PCDHA6: variants seen among roughly 807,000 people sequenced by gnomAD.
PCDHA6 encodes the protein protocadherin alpha-6.
In PCDHA6, 55 loss-of-function variants were observed where a neutral mutation model predicts 60.3. The observed-to-expected ratio is 0.91, with a 90% CI of 0.73 to 1.14. The LOEUF (loss-of-function observed/expected upper bound fraction) is 1.14. PCDHA6 is among the 50% of genes most tolerant of loss of function. The pLI, the probability that PCDHA6 is intolerant of heterozygous loss-of-function variation, is 0.00. For synonymous variants in PCDHA6, 652 were observed against 557.9 expected (o/e 1.17, Z -2.38); for missense variants, 1,327 against 1,256.5 (o/e 1.06, Z -0.85).
intron 1 of PCDHA6, chr5:140,871,632 T>G (rs1554165792): frequency 7.2e-7 from 1 of 1,380,660 alleles, no homozygotes; most frequent in Non-Finnish European, 9.6e-7. Context: ...ACAATGTCTG[T>G]TCATAAAATA....
At chr5:140,834,036 C>A (rs2150213017) in intron 1 of PCDHA6, among the ~76,000 whole-genome samples, 3 of 152,146 alleles carry the variant, frequency 2.0e-5, no homozygotes, top group Admixed American at 2.0e-4. Flanking sequence ...AGCCATCAGT[C>A]GCCTAAGAAT....
chr5:140,975,983 T>A (rs975014640), intron 1 of PCDHA6, among the ~76,000 whole-genome samples: 31 of 152,290 alleles, frequency 2.0e-4, no homozygotes, highest in Admixed American at 2.0e-3. Flanking sequence ...AGCATAGTCC[T>A]GGGAGGTACC....
chr5:140,863,538 T>C (rs187152479), intron 1 of PCDHA6: 1 of 386,422 alleles, frequency 2.6e-6, no homozygotes, highest in Non-Finnish European at 5.0e-6. Flanking sequence ...ATTTTGGAGA[T>C]GGACTTCAAT....
intron 1 of PCDHA6, among the ~76,000 whole-genome samples, chr5:140,905,903 G>A (rs2072195312): frequency 6.6e-6 from 1 of 152,184 alleles, no homozygotes; most frequent in African/African-American, 2.4e-5. Flanking sequence ...AAGCTGAGGA[G>A]CAAGGAATCC....
intron 1 of PCDHA6, among the ~76,000 whole-genome samples, chr5:140,906,473 A>G (rs2072671241): frequency 6.6e-6 from 1 of 152,214 alleles, no homozygotes. Flanking sequence ...TCTTAGTACA[A>G]ATGTATAAAT....
rs185971380 is a variant in PCDHA6, at chr5:140,858,398, G to T, written c.2394+27913G>T. On this transcript the variant is annotated intron_variant, in intron 1 of 3. Transcript: ENST00000529310. ...ACCATGCCCAATGGTAGATGTGGAC[G>T]GGGAAGATCAGTCTATTGGAGGGGA... The T allele has an allele frequency of 3.4e-5, 54 of 1,574,020 alleles. No homozygotes were observed. In the East Asian group the frequency reaches 1.1e-3, roughly 32 times the overall value.
intron 1 of PCDHA6, chr5:140,856,218 A>C: frequency 6.3e-7 from 1 of 1,597,930 alleles, no homozygotes; most frequent in Non-Finnish European, 8.6e-7. Flanking sequence ...GAGCTGGCGG[A>C]GCTGGTGCAG....
intron 1 of PCDHA6, chr5:140,927,831 G>T: frequency 6.2e-7 from 1 of 1,614,186 alleles, no homozygotes; most frequent in Non-Finnish European, 8.5e-7. Flanking sequence ...TTGAGGCGAG[G>T]GACGAAGGTG....
At chr5:140,830,776 T>A (rs190922926) in intron 1 of PCDHA6, 105 of 166,754 alleles carry the variant, frequency 6.3e-4, no homozygotes, top group Admixed American at 1.3e-3. Flanking sequence ...CATAGTAGCA[T>A]TTTTTTCTGA....
intron 1 of PCDHA6, among the ~76,000 whole-genome samples, chr5:140,898,629 C>T (rs2066883647): frequency 1.3e-5 from 2 of 152,194 alleles, no homozygotes; most frequent in Admixed American, 1.3e-4. Context: ...AGCATAATGC[C>T]TCCAGCTTTG....
intron 1 of PCDHA6, chr5:140,868,074 T>C (rs1554161742): frequency 6.6e-6 from 1 of 152,138 alleles, no homozygotes; most frequent in Non-Finnish European, 1.5e-5. Context: ...AGGGTGATTT[T>C]ATTTATTTTA....
At chr5:140,870,656 C>T (rs782506518) in intron 1 of PCDHA6, 22 of 1,612,360 alleles carry the variant, frequency 1.4e-5, no homozygotes, top group Non-Finnish European at 1.7e-6. Flanking sequence ...AAGGTGTACG[C>T]GCTGCAGCCG....
At chr5:140,849,341 C>T (rs2150435526) in intron 1 of PCDHA6, 27 of 1,407,914 alleles carry the variant, frequency 1.9e-5, no homozygotes, top group Middle Eastern at 2.4e-4. Flanking sequence ...ACTCCTTCTC[C>T]AGTGATGTTT....
intron 1 of PCDHA6, chr5:140,884,280 A>G: frequency 6.2e-7 from 1 of 1,613,576 alleles, no homozygotes; most frequent in Non-Finnish European, 8.5e-7. Context: ...TCGCTGGTGG[A>G]GAGCGGCCAA....
chr5:140,885,287 G>T (rs1224083539), intron 1 of PCDHA6, among the ~76,000 whole-genome samples: 1 of 152,050 alleles, frequency 6.6e-6, no homozygotes, highest in African/African-American at 2.4e-5. Context: ...TACATATATA[G>T]AGAGAGACCT....
intron 3 of PCDHA6, among the ~76,000 whole-genome samples, chr5:140,989,486 A>G (rs1563557204): frequency 6.6e-6 from 1 of 152,190 alleles, no homozygotes; most frequent in African/African-American, 2.4e-5. Context: ...AGGTGCTTGA[A>G]CAAGAAAGAC....
At chr5:140,997,465 A>G (rs1427334533) in intron 3 of PCDHA6, among the ~76,000 whole-genome samples, 1 of 152,182 alleles carries the variant, frequency 6.6e-6, no homozygotes, top group Non-Finnish European at 1.5e-5. Flanking sequence ...ACTGTAGGCA[A>G]TTTTTACACA....
chr5:140,969,704 T>A (rs1317094729), intron 1 of PCDHA6, among the ~76,000 whole-genome samples: 2 of 152,172 alleles, frequency 1.3e-5, no homozygotes, highest in African/African-American at 4.8e-5. Context: ...TGCTGTATCA[T>A]CTACAGGGAA....
chr5:140,935,045 G>T (rs1382389528), intron 1 of PCDHA6, among the ~76,000 whole-genome samples: 1 of 151,952 alleles, frequency 6.6e-6, no homozygotes, highest in Non-Finnish European at 1.5e-5. Flanking sequence ...TTGATTTCTG[G>T]TATTACAAGA....
Sources: gnomAD v4.1 joint callset for allele counts (sites outside exome capture counted in the v4.1 genomes callset) on GRCh38, gnomAD v4.1.1 for gene constraint, MANE v1.5 for transcripts, NCBI Gene and HGNC (gene_info 2026-07-23, HGNC 2026-07-21) for gene names.